ADGRL2: variants seen among roughly 807,000 people sequenced by gnomAD.
ADGRL2 encodes the protein calcium-independent alpha-latrotoxin receptor 2.
Under a neutral mutation model 157.4 loss-of-function variants are expected in ADGRL2, and 44 were observed. The ratio of observed to expected loss-of-function variants is 0.28; its 90% CI spans 0.22 to 0.36. The LOEUF (loss-of-function observed/expected upper bound fraction) is 0.36. Among genes scored for constraint, ADGRL2 ranks in the 10% least tolerant of loss-of-function variants. ADGRL2 has a pLI of 1.00. For missense variants in ADGRL2, 1,510 were observed against 1,768.9 expected, an observed-to-expected ratio of 0.85 and a Z score of 2.63; for synonymous variants, 585 against 624.7, an observed-to-expected ratio of 0.94 and a Z score of 0.95.
At chr1:81,967,718 C>T (rs1657552476) in intron 13 of ADGRL2, among the ~76,000 whole-genome samples, 1 of 152,050 alleles carries the variant, frequency 6.6e-6, no homozygotes, top group Non-Finnish European at 1.5e-5. Context: ...ATTTATGGCT[C>T]TAATTTTATC....
At chr1:81,497,289 G>A (rs952269632) in intron 2 of ADGRL2, among the ~76,000 whole-genome samples, 4 of 152,066 alleles carry the variant, frequency 2.6e-5, no homozygotes, top group Non-Finnish European at 5.9e-5. Context: ...AGGCGCTAGC[G>A]TATTGAAATG....
intron 3 of ADGRL2, among the ~76,000 whole-genome samples, chr1:81,631,200 CTTCTTTTCTTTT>C (rs2082004176): frequency 1.3e-5 from 2 of 151,992 alleles, no homozygotes; most frequent in East Asian, 1.9e-4. Flanking sequence ...ACCAACCGAC[CTTCTTTTCTTTT>C]TTCTTTTCTT....
At chr1:81,605,346 A>G (rs1377532836) in intron 3 of ADGRL2, among the ~76,000 whole-genome samples, 1 of 152,220 alleles carries the variant, frequency 6.6e-6, no homozygotes, top group Non-Finnish European at 1.5e-5. Flanking sequence ...TGTATTATTC[A>G]AGAGAGAAGA....
At chr1:81,322,113 C>CATATATAT (rs1345847160) in intron 1 of ADGRL2, among the ~76,000 whole-genome samples, 2,681 of 111,036 alleles carry the variant, frequency 0.024, 47 homozygotes, top group Middle Eastern at 0.04. Flanking sequence ...TATATATACA[C>CATATATAT]ATATATATAT....
chr1:81,835,001 C>T (rs1436637108), intron 1 of ADGRL2, among the ~76,000 whole-genome samples: 8 of 152,082 alleles, frequency 5.3e-5, no homozygotes, highest in Admixed American at 4.6e-4. Context: ...AGAGGTTTTC[C>T]TATCTTGGCA....
At chr1:81,505,807 T>A (rs918068575) in intron 2 of ADGRL2, among the ~76,000 whole-genome samples, 1 of 151,160 alleles carries the variant, frequency 6.6e-6, no homozygotes, top group Non-Finnish European at 1.5e-5. Context: ...GAGTTTTTAT[T>A]AAAAAAAAGC....
At chr1:81,343,317 T>G (rs1256248277) in intron 1 of ADGRL2, among the ~76,000 whole-genome samples, 2 of 152,086 alleles carry the variant, frequency 1.3e-5, no homozygotes, top group African/African-American at 4.8e-5. Flanking sequence ...CTTGAACTCC[T>G]GAACTCAAGC....
intron 2 of ADGRL2, among the ~76,000 whole-genome samples, chr1:81,448,018 A>G (rs2077630282): frequency 6.6e-6 from 1 of 150,852 alleles, no homozygotes; most frequent in Non-Finnish European, 1.5e-5. Context: ...CTTTCCCTTC[A>G]CATTCTGCCA....
intron 1 of ADGRL2, among the ~76,000 whole-genome samples, chr1:81,364,735 T>C (rs1239295000): frequency 1.3e-5 from 2 of 151,930 alleles, no homozygotes; most frequent in East Asian, 1.9e-4. Flanking sequence ...AGTCTTGCTC[T>C]GTCGCCCAGG....
chr1:81,501,494 G>C (rs982060225), intron 2 of ADGRL2, among the ~76,000 whole-genome samples: 1 of 152,180 alleles, frequency 6.6e-6, no homozygotes, highest in African/African-American at 2.4e-5. Flanking sequence ...AAAATGTGTC[G>C]TATGCCTTAT....
At chr1:81,327,726 A>C (rs926763282) in intron 1 of ADGRL2, among the ~76,000 whole-genome samples, 1 of 152,134 alleles carries the variant, frequency 6.6e-6, no homozygotes, top group Non-Finnish European at 1.5e-5. Flanking sequence ...ATCAAATGTC[A>C]TGCCCTCTGT....
intron 2 of ADGRL2, among the ~76,000 whole-genome samples, chr1:81,466,240 G>A (rs550679165): frequency 1.3e-5 from 2 of 152,164 alleles, no homozygotes; most frequent in Non-Finnish European, 2.9e-5. Flanking sequence ...GATGCATTAC[G>A]TGGCAATTCC....
At chr1:81,382,692 G>T (rs945516238) in intron 1 of ADGRL2, among the ~76,000 whole-genome samples, 4 of 152,188 alleles carry the variant, frequency 2.6e-5, no homozygotes, top group African/African-American at 2.4e-5. Flanking sequence ...TGAGCTGAAA[G>T]TCAGCCAAAA....
At chr1:81,514,592 C>A (rs1393220038) in intron 2 of ADGRL2, 1 of 152,090 alleles carries the variant, frequency 6.6e-6, no homozygotes, top group Non-Finnish European at 1.5e-5. Flanking sequence ...TAGAATATTG[C>A]GAGGAAAATT....
intron 13 of ADGRL2, among the ~76,000 whole-genome samples, chr1:81,967,006 A>T (rs1657256851): frequency 6.6e-6 from 1 of 152,132 alleles, no homozygotes; most frequent in Non-Finnish European, 1.5e-5. Flanking sequence ...TAGTTTACTG[A>T]TCACGTTTGA....
chr1:81,783,824 C>A (rs1457655444), intron 2 of ADGRL2, among the ~76,000 whole-genome samples: 7 of 152,088 alleles, frequency 4.6e-5, no homozygotes, highest in African/African-American at 1.7e-4. Context: ...AAGTTGTCAA[C>A]TGTTTCAGGC....
chr1:81,888,623 T>C (rs1168923969), intron 2 of ADGRL2, among the ~76,000 whole-genome samples: 1 of 152,096 alleles, frequency 6.6e-6, no homozygotes, highest in African/African-American at 2.4e-5. Context: ...TTTGTATTTT[T>C]AGTAGAGACG....
chr1:81,933,990 A>C, intron 3 of ADGRL2, among the ~76,000 whole-genome samples: 1 of 152,062 alleles, frequency 6.6e-6, no homozygotes, highest in South Asian at 2.1e-4. Context: ...AAACATATGA[A>C]ATTTTCAAAT....
intron 3 of ADGRL2, among the ~76,000 whole-genome samples, chr1:81,676,658 A>T (rs1443034075): frequency 6.6e-6 from 1 of 151,800 alleles, no homozygotes; most frequent in Non-Finnish European, 1.5e-5. Context: ...GACTGTGGAA[A>T]TGTGTACAGA....
Sources: allele counts gnomAD v4.1 joint callset (sites outside exome capture counted in the v4.1 genomes callset), GRCh38; gene constraint gnomAD v4.1.1; transcripts MANE v1.5; gene names NCBI Gene and HGNC (gene_info 2026-07-23, HGNC 2026-07-21).